The following GSTO1 variants were observed in gnomAD, a reference collection of about 807,000 sequenced individuals.
The protein encoded by GSTO1 is glutathione S-transferase omega 1.
In GSTO1, 27 loss-of-function variants were observed where a neutral mutation model predicts 23.8. The ratio of observed to expected loss-of-function variants is 1.13; its 90% CI spans 0.83 to 1.56. GSTO1 has a LOEUF of 1.56. Among genes scored for constraint, GSTO1 ranks in the 40% most tolerant of loss-of-function variants. The pLI, the probability that GSTO1 is intolerant of heterozygous loss-of-function variation, is 0.00. For synonymous variants in GSTO1, 105 were observed against 109.3 expected (o/e 0.96, Z 0.25); for missense variants, 255 against 285.8 (o/e 0.89, Z 0.78).
At chr10:104,259,851 G>A (rs182593209) in intron 3 of GSTO1, 53 bp downstream of exon 3, 32 of 1,141,186 alleles carry the variant, frequency 2.8e-5, no homozygotes, top group East Asian at 1.9e-4. Context: ...TTTTTAAAGC[G>A]AAATCAGTGC....
chr10:104,260,435 AC>A (rs1401573432), intron 3 of GSTO1, among the ~76,000 whole-genome samples: 1 of 152,218 alleles, frequency 6.6e-6, no homozygotes, highest in Admixed American at 6.5e-5. Context: ...TTAATATAAA[AC>A]ACCCAGAACA....
rs1209463110 is a variant in GSTO1, at chr10:104,259,730, A to AAG, written c.300_301dup (p.Lys101ArgfsTer16). On this transcript the variant is annotated frameshift_variant, in exon 3 of 6. Coordinates refer to ENST00000369713, the MANE Select transcript of GSTO1 (RefSeq NM_004832.3). LOFTEE classifies it high-confidence loss of function. ...GTACCTGGATGAAGCATACCCAGGGAAGAAGCTGTTGCCGGATGACCCCTA... is the reference window on the plus strand; with the variant it reads ...GTACCTGGATGAAGCATACCCAGGGAAGAGAAGCTGTTGCCGGATGACCCCTA... 2.5e-6 allele frequency: 4 copies of AAG among 1,613,868 alleles called. No individual in the cohort carries two copies. Among genetic ancestry groups the AAG allele is most frequent in the Non-Finnish European group, 8.5e-7 (1 of 1,179,856 alleles).
chr10:104,258,411 G>A (rs1007716670), intron 2 of GSTO1, among the ~76,000 whole-genome samples: 1 of 152,118 alleles, frequency 6.6e-6, no homozygotes, highest in Non-Finnish European at 1.5e-5. Flanking sequence ...CAGCAAACAA[G>A]CTTCCACACA....
intron 4 of GSTO1, among the ~76,000 whole-genome samples, chr10:104,263,433 T>C (rs2011155261): frequency 1.3e-5 from 2 of 152,364 alleles, no homozygotes; most frequent in South Asian, 2.1e-4. Context: ...AAAATTAATA[T>C]AGCTCTAATC....
rs748966808 is a variant in GSTO1 at position 104,259,748 on chromosome 10, G to T, written c.316G>T (p.Asp106Tyr). Residue 106 changes from aspartate (D) to tyrosine (Y), a missense_variant, in exon 3 of 6, where the codon GAC becomes TAC. Asp to Tyr is a radical substitution (Grantham distance 160). Transcript: ENST00000369713. ...CCCAGGGAAGAAGCTGTTGCCGGATGACCCCTATGAGAAAGCTTGCCAGAA... is the reference window on the plus strand; with the variant it reads ...CCCAGGGAAGAAGCTGTTGCCGGATTACCCCTATGAGAAAGCTTGCCAGAA... ...AYPGKKLLPD[D>Y]PYEKACQKMI... is the part of the protein sequence containing the mutation. 4 of 1,613,962 alleles carry T rather than the reference G, an allele frequency of 2.5e-6. No individual in the cohort carries two copies. Among genetic ancestry groups the T allele is most frequent in the Non-Finnish European group, 3.4e-6 (4 of 1,179,870 alleles).
rs1476378717 is a variant in GSTO1, at chr10:104,263,053, T to C, written c.441T>C (p.Arg147=). 1 of 1,495,012 alleles carries C rather than the reference T, an allele frequency of 6.7e-7. No homozygotes were observed. Among genetic ancestry groups the C allele is most frequent in the Non-Finnish European group, 9.3e-7 (1 of 1,073,072 alleles). 92.6% of individuals were successfully genotyped at this position (1,495,012 alleles called of 1,614,324 possible). A position where few individuals can be genotyped will look rare whatever the true frequency, so the allele number is the denominator to read the frequency against. Residue 147 remains arginine (R), a synonymous_variant, in exon 4 of 6, where the codon CGT becomes CGC. Transcript: ENST00000369713. ...ATGCTGGCCTAAAAGAAGAATTTCGTAAAGAATTTACCAAGCTAGAGGAGG... is the reference window on the plus strand; with the variant it reads ...ATGCTGGCCTAAAAGAAGAATTTCGCAAAGAATTTACCAAGCTAGAGGAGG... ...EDYAGLKEEF[R]KEFTKLEEVL...
chr10:104,258,222 C>CT (rs1348756077), intron 2 of GSTO1, among the ~76,000 whole-genome samples: 1 of 152,044 alleles, frequency 6.6e-6, no homozygotes, highest in African/African-American at 2.4e-5. Flanking sequence ...AGGCAGAGGA[C>CT]CATCAAGTGC....
chr10:104,262,695 G>A (rs994177385), intron 3 of GSTO1, among the ~76,000 whole-genome samples: 2 of 152,190 alleles, frequency 1.3e-5, no homozygotes, highest in Admixed American at 1.3e-4. Flanking sequence ...CTGGGTGATA[G>A]AGCATGACTC....
rs549010876 is a variant in GSTO1 at position 104,257,486 on chromosome 10, G to T, written c.144-2090G>T. On this transcript the variant is annotated intron_variant, in intron 2 of 5. Transcript: ENST00000369713. ...ATCCGGAGTAGCCGAGACTACAGGT[G>T]AGTACCACCACACTTGGCTAATTTT... 3.9e-5 allele frequency among the ~76,000 whole-genome samples: 6 copies of T among 152,116 alleles called. No homozygotes were observed. The East Asian group carries it at 5.8e-4, about 15-fold the overall frequency.
chr10:104,260,648 T>C (rs2011131131), intron 3 of GSTO1, among the ~76,000 whole-genome samples: 3 of 152,356 alleles, frequency 2.0e-5, no homozygotes, highest in South Asian at 4.1e-4. Context: ...AAAAGATGTG[T>C]GTTTAGACAC....
At chr10:104,259,861 C>T in intron 3 of GSTO1, 63 bp downstream of exon 3, 2 of 1,046,460 alleles carry the variant, frequency 1.9e-6, no homozygotes, top group Non-Finnish European at 3.0e-6. Flanking sequence ...GAAATCAGTG[C>T]TGCCATTTAT....
chr10:104,260,758 A>G (rs944645476), intron 3 of GSTO1, among the ~76,000 whole-genome samples: 1 of 152,234 alleles, frequency 6.6e-6, no homozygotes, highest in Non-Finnish European at 1.5e-5. Context: ...GGTTAAAGAA[A>G]TGCCCTAAGA....
Position 104,262,394 on chromosome 10 carries a change from T to C in GSTO1, c.367-585T>C, listed in dbSNP as rs17883384. ...TTTGTTCCGCCTCCCAATAATTCTA[T>C]GAGCCACTCAGTCTCCTTTAAAGAA... On this transcript the variant is annotated intron_variant, in intron 3 of 5. Transcript: ENST00000369713. Among the ~76,000 whole-genome samples, 312 of 152,274 alleles carry C rather than the reference T, an allele frequency of 2.0e-3. 2 individuals are homozygous for C. Among genetic ancestry groups the C allele is most frequent in the East Asian group, 0.018 (95 of 5,172 alleles).
At chr10:104,264,037 A>G (rs2011160225) in intron 4 of GSTO1, among the ~76,000 whole-genome samples, 1 of 152,104 alleles carries the variant, frequency 6.6e-6, no homozygotes, top group African/African-American at 2.4e-5. Context: ...TGTGTTCATA[A>G]ATGAGATTGG....
At chr10:104,254,884 A>C, upstream of GSTO1, 1 of 1,596,192 alleles carries the variant, frequency 6.3e-7, no homozygotes, top group Non-Finnish European at 8.6e-7. Context: ...CTACTTCCTG[A>C]ATCCCCTGCA....
chr10:104,263,206 A>G, intron 4 of GSTO1, 129 bp downstream of exon 4: 1 of 524,370 alleles, frequency 1.9e-6, no homozygotes, highest in South Asian at 2.6e-5. Flanking sequence ...TCCCCTAAAC[A>G]TTTTTGTTTA....
At chr10:104,257,205 C>A (rs1249415462) in intron 2 of GSTO1, among the ~76,000 whole-genome samples, 1 of 152,010 alleles carries the variant, frequency 6.6e-6, no homozygotes, top group Non-Finnish European at 1.5e-5. Context: ...ACAAGATAGA[C>A]CTAAATACAA....
At chr10:104,254,885 A>G, upstream of GSTO1, 2 of 1,597,018 alleles carry the variant, frequency 1.3e-6, no homozygotes, top group African/African-American at 1.3e-5. Context: ...TACTTCCTGA[A>G]TCCCCTGCAA....
chr10:104,260,667 G>A (rs975959368), intron 3 of GSTO1, among the ~76,000 whole-genome samples: 6 of 152,204 alleles, frequency 3.9e-5, no homozygotes, highest in African/African-American at 1.4e-4. Context: ...ACCAAGAATA[G>A]CATGTCTGGT....
Sources: gnomAD v4.1 joint callset for allele counts (sites outside exome capture counted in the v4.1 genomes callset) on GRCh38, gnomAD v4.1.1 for gene constraint, MANE v1.5 for transcripts, NCBI Gene and HGNC (gene_info 2026-07-23, HGNC 2026-07-21) for gene names.